Variants in CYP4B1 observed in about 807,000 individuals in gnomAD.
CYP4B1 encodes the protein cytochrome P450 4B1.
In CYP4B1, 45 loss-of-function variants were observed where a neutral mutation model predicts 54.0. The ratio of observed to expected loss-of-function variants is 0.83; its 90% confidence interval spans 0.66 to 1.07. The LOEUF (loss-of-function observed/expected upper bound fraction) is 1.07, where lower values mean the gene tolerates loss of function less well. Ranked by LOEUF, CYP4B1 falls within the 50% of genes least tolerant of loss-of-function variation. The probability of loss-of-function intolerance (pLI) is 0.00; values close to 1 mark genes in which losing one functional copy is unlikely to be tolerated. For synonymous variants in CYP4B1, 248 were observed against 247.5 expected (o/e 1.00, Z -0.02); for missense variants, 656 against 655.4 (o/e 1.00, Z -0.01).
At chr1:46,804,259 C>G (rs1678771348) in intron 1 of CYP4B1, among the ~76,000 whole-genome samples, 1 of 151,910 alleles carries the variant, frequency 6.6e-6, no homozygotes. Context: ...GGCTCAGCGC[C>G]AGGGAGGGTG....
intron 8 of CYP4B1, among the ~76,000 whole-genome samples, chr1:46,816,108 C>G (rs3766198): frequency 3.3e-4 from 50 of 152,160 alleles, no homozygotes; most frequent in South Asian, 6.2e-4. Flanking sequence ...GAATCCCCCC[C>G]CCACGGGGTA....
rs1410192557 is a variant in CYP4B1, at chr1:46,815,112, G to A, written c.921G>A (p.Arg307=). 6.2e-7 allele frequency: 1 copy of A among 1,614,192 alleles called. No individual in the cohort carries two copies. Among genetic ancestry groups the A allele is most frequent in the Admixed American group, 1.7e-5 (1 of 60,022 alleles). ...DDIKLSDADL[R]AEVDTFMFEG... ...TCAAACTGTCAGATGCAGACCTCCGGGCTGAAGTGGACACATTCATGTTTG... is the reference window on the plus strand; with the variant it reads ...TCAAACTGTCAGATGCAGACCTCCGAGCTGAAGTGGACACATTCATGTTTG... Residue 307 remains arginine (R), a synonymous_variant, in exon 8 of 12, where the codon CGG becomes CGA. Coordinates refer to ENST00000371923, the MANE Select transcript of CYP4B1 (RefSeq NM_001099772.2).
intron 8 of CYP4B1, among the ~76,000 whole-genome samples, chr1:46,816,564 G>A (rs377531805): frequency 2.5e-5 from 3 of 121,856 alleles, no homozygotes; most frequent in Admixed American, 8.1e-5. Context: ...TGAGCTTCCC[G>A]GTTGCCAAAG....
intron 1 of CYP4B1, among the ~76,000 whole-genome samples, chr1:46,806,521 T>C (rs1678868268): frequency 6.6e-6 from 1 of 152,240 alleles, no homozygotes; most frequent in African/African-American, 2.4e-5. Context: ...CATGCTGGAC[T>C]GTTCCCTTTG....
chr1:46,807,819 C>T (rs1316130461), intron 1 of CYP4B1, among the ~76,000 whole-genome samples: 1 of 152,204 alleles, frequency 6.6e-6, no homozygotes, highest in East Asian at 1.9e-4. Flanking sequence ...TAGGCCCAAT[C>T]CCATGAGCCC....
At chr1:46,815,395 T>G in intron 8 of CYP4B1, 131 bp downstream of exon 8, 1 of 815,278 alleles carries the variant, frequency 1.2e-6, no homozygotes. Flanking sequence ...GTCATACCTT[T>G]TGTGGTGGTG....
chr1:46,802,585 C>G (rs571344579), intron 1 of CYP4B1, among the ~76,000 whole-genome samples: 1 of 152,316 alleles, frequency 6.6e-6, no homozygotes, highest in South Asian at 2.1e-4. Context: ...CTTTCTTCAT[C>G]CCCTTCCTTC....
At chr1:46,803,614 C>T (rs1294806649) in intron 1 of CYP4B1, among the ~76,000 whole-genome samples, 2 of 152,186 alleles carry the variant, frequency 1.3e-5, no homozygotes, top group Admixed American at 6.5e-5. Flanking sequence ...AGAGGAGGCT[C>T]AGTGGTGGGC....
Position 46,811,135 on chromosome 1 carries a change from T to C in CYP4B1, c.323-5T>C. The C allele has an allele frequency of 6.2e-7, 1 of 1,614,154 alleles. No individual in the cohort carries two copies. The highest frequency in any genetic ancestry group is 1.1e-5 in the South Asian group (1 of 91,082). On this transcript the variant is annotated splice_polypyrimidine_tract_variant and splice_region_variant and intron_variant, in intron 2 of 11. Coordinates refer to ENST00000371923, the MANE Select transcript of CYP4B1 (RefSeq NM_001099772.2). ...CCTGCTTGACCTGATTGTCTCCTCCTGCAGACCCTAAGGCCCCTGATGTGT... is the reference window on the plus strand; with the variant it reads ...CCTGCTTGACCTGATTGTCTCCTCCCGCAGACCCTAAGGCCCCTGATGTGT...
intron 1 of CYP4B1, among the ~76,000 whole-genome samples, chr1:46,808,095 C>G (rs1678932163): frequency 6.6e-6 from 1 of 151,902 alleles, no homozygotes; most frequent in Non-Finnish European, 1.5e-5. Context: ...TGAGGAAGAG[C>G]AGACATCACA....
chr1:46,817,271 G>C, intron 9 of CYP4B1, 90 bp downstream of exon 9: 1 of 1,532,188 alleles, frequency 6.5e-7, no homozygotes, highest in Non-Finnish European at 8.9e-7. Flanking sequence ...TGCACTTTTG[G>C]GGAAGAGCTC....
At chr1:46,801,608 T>C (rs1415397804) in intron 1 of CYP4B1, among the ~76,000 whole-genome samples, 1 of 152,300 alleles carries the variant, frequency 6.6e-6, no homozygotes, top group Middle Eastern at 3.4e-3. Flanking sequence ...TGGGGAACCA[T>C]TGCAAGCACA....
intron 2 of CYP4B1, 63 bp downstream of exon 2, chr1:46,811,012 G>A (rs529881036): frequency 8.1e-6 from 13 of 1,602,054 alleles, no homozygotes; most frequent in Non-Finnish European, 1.1e-5. Flanking sequence ...AGGGCTCAGG[G>A]CATGATATGG....
rs1290407121 is a variant in CYP4B1 at position 46,812,232 on chromosome 1, G to A, written c.368-264G>A. 3 of 615,818 alleles carry A rather than the reference G, an allele frequency of 4.9e-6. No homozygotes were observed. The Admixed American group carries it at 6.4e-5, about 13-fold the overall frequency. 38.1% of individuals were successfully genotyped at this position (615,818 alleles called of 1,614,324 possible). A position where few individuals can be genotyped will look rare whatever the true frequency, so the allele number is the denominator to read the frequency against. On this transcript the variant is annotated intron_variant, in intron 3 of 11. Coordinates refer to ENST00000371923, the MANE Select transcript of CYP4B1 (RefSeq NM_001099772.2). ...CAATGTCATCTGACACAAGTTCCTG[G>A]ACCCAGGCTTTGTGGGTGCAGCTGA...
At position 46,814,190 on chromosome 1, in the gene CYP4B1, C is replaced by G; in HGVS notation, c.776-19C>G. 1 of 1,613,456 alleles carries G rather than the reference C, an allele frequency of 6.2e-7. No homozygotes were observed. The highest frequency in any genetic ancestry group is 1.7e-5 in the Admixed American group (1 of 60,022). On this transcript the variant is annotated intron_variant, in intron 6 of 11. Coordinates refer to ENST00000371923, the MANE Select transcript of CYP4B1 (RefSeq NM_001099772.2). ...AAAGATGGCTTCCCAGGCAGTGACA[C>G]TCTGTGCTTTTGGTTCAGACCAGGT...
rs1679147174 is a variant in CYP4B1 at position 46,812,492 on chromosome 1, C to G, written c.368-4C>G. 3 of 1,611,446 alleles carry G rather than the reference C, an allele frequency of 1.9e-6. No individual in the cohort carries two copies. The highest frequency in any genetic ancestry group is 1.3e-5 in the African/African-American group (1 of 75,016). ...CAGCCCTCTCTCTCCCATCCCTTCCCCAGGGAGAGGCCTGCTGGTTCTTGA... is the reference window on the plus strand; with the variant it reads ...CAGCCCTCTCTCTCCCATCCCTTCCGCAGGGAGAGGCCTGCTGGTTCTTGA... On this transcript the variant is annotated splice_region_variant and splice_polypyrimidine_tract_variant and intron_variant, in intron 3 of 11. Transcript: ENST00000371923.
intron 7 of CYP4B1, 116 bp downstream of exon 7, chr1:46,814,431 A>C: frequency 1.3e-6 from 1 of 748,786 alleles, no homozygotes; most frequent in Non-Finnish European, 2.2e-6. Flanking sequence ...CAGCAAATAT[A>C]ACCTGTTCCT....
chr1:46,813,880 G>A, intron 5 of CYP4B1, 29 bp from the exon 6 acceptor site: 1 of 1,608,604 alleles, frequency 6.2e-7, no homozygotes, highest in Non-Finnish European at 8.5e-7. Flanking sequence ...CAGTGTCTAA[G>A]CCAATCCCTC....
chr1:46,814,881 C>T, intron 7 of CYP4B1, 193 bp from the exon 8 acceptor site: 1 of 596,872 alleles, frequency 1.7e-6, no homozygotes, highest in Non-Finnish European at 3.0e-6. Context: ...TTAGGGAGGG[C>T]TTTGTGGAGG....
Sources: allele counts gnomAD v4.1 joint callset (sites outside exome capture counted in the v4.1 genomes callset), GRCh38; gene constraint gnomAD v4.1.1; transcripts MANE v1.5; gene names NCBI Gene and HGNC (gene_info 2026-07-23, HGNC 2026-07-21).